PARD3: variants seen among roughly 807,000 people sequenced by gnomAD.
PARD3 encodes the protein partitioning defective 3 homolog.
Under a neutral mutation model 155.4 loss-of-function variants are expected in PARD3, and 75 were observed. The ratio of observed to expected loss-of-function variants is 0.48; its 90% confidence interval spans 0.40 to 0.58. The LOEUF is 0.58. Ranked by LOEUF, PARD3 falls within the 20% of genes least tolerant of loss-of-function variation. The pLI is 0.00. For synonymous variants in PARD3, 576 were observed against 610.5 expected (o/e 0.94, Z 0.83); for missense variants, 1,642 against 1,721.7 (o/e 0.95, Z 0.82).
rs763191547 is a variant in PARD3, at chr10:34,337,346, G to C, written c.2489C>G (p.Thr830Arg). ...TTGACTGGCATCTGAAAATTGCTTTGTGCGTTTTTCTGACATACTCTGACG... is the reference window on the plus strand; with the variant it reads ...TTGACTGGCATCTGAAAATTGCTTTCTGCGTTTTTCTGACATACTCTGACG... ...FGRQSMSEKR[T>R]KQFSDASQLD... Residue 830 changes from threonine (T) to arginine (R), a missense_variant, in exon 17 of 25, where the codon ACA (threonine) becomes AGA (arginine). Coordinates refer to ENST00000374788, the MANE Select transcript of PARD3 (RefSeq NM_001184785.2). 4.4e-6 allele frequency: 7 copies of C among 1,601,556 alleles called. No homozygotes were observed. The highest frequency in any genetic ancestry group is 1.7e-5 in the Admixed American group (1 of 58,132).
chr10:34,134,678 G>T (rs1947800738), intron 22 of PARD3, among the ~76,000 whole-genome samples: 1 of 152,180 alleles, frequency 6.6e-6, no homozygotes, highest in African/African-American at 2.4e-5. Context: ...TCTAGAGAAA[G>T]CTGGCTGACT....
chr10:34,316,317 T>A (rs1294026490), intron 20 of PARD3, among the ~76,000 whole-genome samples: 4 of 152,168 alleles, frequency 2.6e-5, no homozygotes, highest in Admixed American at 1.3e-4. Flanking sequence ...TGAACTTTTA[T>A]GGGAGAGTTT....
chr10:34,277,666 C>G (rs1285137496), intron 21 of PARD3, among the ~76,000 whole-genome samples: 1 of 152,072 alleles, frequency 6.6e-6, no homozygotes, highest in Admixed American at 6.5e-5. Flanking sequence ...CTTAGAATAG[C>G]TGGGAGGGAA....
At chr10:34,717,189 T>A (rs1445830875) in intron 1 of PARD3, among the ~76,000 whole-genome samples, 1 of 152,104 alleles carries the variant, frequency 6.6e-6, no homozygotes, top group Non-Finnish European at 1.5e-5. Context: ...ATAAAATGAC[T>A]CTGTGGTTAA....
intron 2 of PARD3, among the ~76,000 whole-genome samples, chr10:34,646,704 C>T (rs2092848196): frequency 6.6e-6 from 1 of 152,170 alleles, no homozygotes; most frequent in Admixed American, 6.5e-5. Flanking sequence ...CTCGTTCTGT[C>T]GCCCAGGCTG....
intron 2 of PARD3, among the ~76,000 whole-genome samples, chr10:34,675,300 T>C (rs1048882937): frequency 6.6e-6 from 1 of 152,230 alleles, no homozygotes; most frequent in Non-Finnish European, 1.5e-5. Context: ...TACATCTTGG[T>C]TGTTATTTTC....
At chr10:34,582,017 T>G (rs1009355411) in intron 2 of PARD3, among the ~76,000 whole-genome samples, 2 of 152,210 alleles carry the variant, frequency 1.3e-5, no homozygotes, top group Non-Finnish European at 2.9e-5. Flanking sequence ...AAGCTGATAT[T>G]AACTATTTAA....
At chr10:34,112,642 G>C (rs1332516669) in intron 24 of PARD3, among the ~76,000 whole-genome samples, 2 of 152,132 alleles carry the variant, frequency 1.3e-5, no homozygotes, top group African/African-American at 2.4e-5. Context: ...ACACAACACA[G>C]CTGAATGTTC....
At chr10:34,457,426 A>C (rs907071769) in intron 4 of PARD3, among the ~76,000 whole-genome samples, 2 of 152,220 alleles carry the variant, frequency 1.3e-5, no homozygotes, top group African/African-American at 2.4e-5. Context: ...TTTTGGATAC[A>C]GCATTTTAAA....
intron 2 of PARD3, among the ~76,000 whole-genome samples, chr10:34,546,464 C>A (rs1315958843): frequency 1.3e-5 from 2 of 151,804 alleles, no homozygotes; most frequent in Non-Finnish European, 2.9e-5. Context: ...TTGCAGCGAG[C>A]CGAGACTGTA....
At chr10:34,631,913 T>C (rs530021169) in intron 2 of PARD3, among the ~76,000 whole-genome samples, 11 of 152,306 alleles carry the variant, frequency 7.2e-5, no homozygotes, top group Non-Finnish European at 1.6e-4. Flanking sequence ...GAGGTCTTAA[T>C]AGGTGGATGT....
At chr10:34,766,071 C>T (rs1409763227) in intron 1 of PARD3, among the ~76,000 whole-genome samples, 1 of 152,172 alleles carries the variant, frequency 6.6e-6, no homozygotes, top group Admixed American at 6.5e-5. Context: ...GAAATTACTC[C>T]TTTTAGTGTT....
rs531460475 is a variant in PARD3 at position 34,651,786 on chromosome 10, T to C, written c.222+44532A>G. On this transcript the variant is annotated intron_variant, in intron 2 of 24. Coordinates refer to ENST00000374788, the MANE Select transcript of PARD3 (RefSeq NM_001184785.2). ...ACAAAGTGGACAATTTGGCCACTTA[T>C]CTTCTGCTCATGCTTTGGATTTCGA... Among the ~76,000 whole-genome samples, 16 of 152,350 alleles carry C rather than the reference T, an allele frequency of 1.1e-4. No individual in the cohort carries two copies. The South Asian group carries it at 3.3e-3, about 32-fold the overall frequency.
At chr10:34,341,860 CA>C in intron 15 of PARD3, 44 bp from the exon 16 acceptor site, 1 of 1,175,768 alleles carries the variant, frequency 8.5e-7, no homozygotes, top group South Asian at 1.4e-5. Flanking sequence ...AGACATCGAT[CA>C]AAGTGTTACA....
intron 2 of PARD3, among the ~76,000 whole-genome samples, chr10:34,592,301 T>C (rs2088780664): frequency 6.6e-6 from 1 of 152,168 alleles, no homozygotes; most frequent in Non-Finnish European, 1.5e-5. Flanking sequence ...CTACTTTAAA[T>C]CACCTGGGAC....
At chr10:34,311,885 C>A (rs1957720696) in intron 20 of PARD3, among the ~76,000 whole-genome samples, 1 of 152,120 alleles carries the variant, frequency 6.6e-6, no homozygotes, top group Admixed American at 6.5e-5. Flanking sequence ...GTGACTGTAC[C>A]AGCCCACACA....
At chr10:34,716,002 A>T (rs376197265) in intron 1 of PARD3, among the ~76,000 whole-genome samples, 2 of 152,236 alleles carry the variant, frequency 1.3e-5, no homozygotes, top group African/African-American at 4.8e-5. Flanking sequence ...TCAAGACTTT[A>T]TCTAGGCCAT....
At chr10:34,801,523 A>G (rs114726839) in intron 1 of PARD3, among the ~76,000 whole-genome samples, 3,280 of 152,256 alleles carry the variant, frequency 0.022, 115 homozygotes, top group African/African-American at 0.075. Flanking sequence ...ACTTCATCGC[A>G]CTGCCTGCCA....
intron 2 of PARD3, among the ~76,000 whole-genome samples, chr10:34,643,282 CCTAA>C (rs1442237825): frequency 6.6e-6 from 1 of 152,234 alleles, no homozygotes; most frequent in African/African-American, 2.4e-5. Context: ...AACTTCAGCT[CCTAA>C]CTGTGCGTCC....
Sources: gnomAD v4.1 joint callset for allele counts (sites outside exome capture counted in the v4.1 genomes callset) on GRCh38, gnomAD v4.1.1 for gene constraint, MANE v1.5 for transcripts, NCBI Gene and HGNC (gene_info 2026-07-23, HGNC 2026-07-21) for gene names.